Variants in CALN1 observed in about 807,000 individuals in gnomAD.
CALN1 encodes calcium-binding protein 8.
CALN1 carries 17 observed loss-of-function variants against 30.6 expected under a neutral mutation model. The ratio of observed to expected loss-of-function variants is 0.56; its 90% CI spans 0.38 to 0.83. The LOEUF is 0.83. Among genes scored for constraint, CALN1 ranks in the 40% least tolerant of loss-of-function variants. CALN1 has a pLI of 0.00. For missense variants in CALN1, 291 were observed against 354.9 expected, an observed-to-expected ratio of 0.82 and a Z score of 1.45; for synonymous variants, 156 against 131.4, an observed-to-expected ratio of 1.19 and a Z score of -1.28.
intron 5 of CALN1, among the ~76,000 whole-genome samples, chr7:71,992,114 T>C (rs1436016294): frequency 1.3e-5 from 2 of 152,274 alleles, no homozygotes; most frequent in East Asian, 3.9e-4. Flanking sequence ...ATCTTCATTA[T>C]AGATTAACTT....
chr7:72,294,063 A>G (rs2129555135), intron 2 of CALN1, among the ~76,000 whole-genome samples: 1 of 152,218 alleles, frequency 6.6e-6, no homozygotes. Context: ...ACACCACTGC[A>G]CTCCAGCCTG....
At chr7:72,336,535 C>T (rs374179791) in intron 2 of CALN1, among the ~76,000 whole-genome samples, 35 of 152,226 alleles carry the variant, frequency 2.3e-4, no homozygotes, top group Admixed American at 8.5e-4. Context: ...GCCCCAGTGT[C>T]GGAGCCAACA....
At chr7:72,050,111 G>A (rs1054523482) in intron 4 of CALN1, among the ~76,000 whole-genome samples, 4 of 152,082 alleles carry the variant, frequency 2.6e-5, no homozygotes, top group Admixed American at 6.5e-5. Flanking sequence ...GAGGCCCCTC[G>A]CCCGGCCGAA....
intron 3 of CALN1, among the ~76,000 whole-genome samples, chr7:72,190,241 G>A (rs73141567): frequency 0.18 from 27,905 of 152,148 alleles, 2,769 homozygotes; most frequent in East Asian, 0.28. Flanking sequence ...AGCTACTTAG[G>A]AGGCTGAGCC....
At chr7:72,200,343 A>T (rs963945294) in intron 3 of CALN1, among the ~76,000 whole-genome samples, 1 of 152,172 alleles carries the variant, frequency 6.6e-6, no homozygotes, top group Non-Finnish European at 1.5e-5. Flanking sequence ...CCTCTCTGTG[A>T]ACTAGAAATG....
chr7:71,935,011 GAAATT>G (rs1268426155), intron 5 of CALN1, among the ~76,000 whole-genome samples: 1 of 152,134 alleles, frequency 6.6e-6, no homozygotes, highest in Non-Finnish European at 1.5e-5. Context: ...ACAACACATG[GAAATT>G]ATGGGAGCTA....
chr7:72,115,458 T>C (rs1252212399), intron 3 of CALN1, among the ~76,000 whole-genome samples: 2 of 149,056 alleles, frequency 1.3e-5, no homozygotes, highest in Non-Finnish European at 3.0e-5. Flanking sequence ...AGTTCAGTAA[T>C]GATAAATACA....
In CALN1 at chr7:72,168,802, A is replaced by ATTT. The variant is rs1235129816; in HGVS notation, c.245-62509_245-62508insAAA. Among the ~76,000 whole-genome samples, 58 of 114,432 alleles carry ATTT rather than the reference A, an allele frequency of 5.1e-4. No individual in the cohort carries two copies. In the East Asian group the frequency reaches 7.1e-3, roughly 14 times the overall value. The allele number at this position is 114,432 out of a possible 152,430, so 75.1% of individuals were successfully genotyped here. A position where few individuals can be genotyped will look rare whatever the true frequency, so the allele number is the denominator to read the frequency against. On this transcript the variant is annotated intron_variant, in intron 3 of 6. Coordinates refer to ENST00000395275, the MANE Select transcript of CALN1 (RefSeq NM_031468.4). ...AGGATGCCTGCTTATTATTATTATT[A>ATTT]TTATTTTTTTTTTTTTTTTTGAGAT... is the stretch of plus-strand genomic sequence containing the variant.
intron 4 of CALN1, among the ~76,000 whole-genome samples, chr7:72,093,243 G>A (rs1805994990): frequency 6.6e-6 from 1 of 152,082 alleles, no homozygotes; most frequent in Non-Finnish European, 1.5e-5. Context: ...TCTAAGACAG[G>A]CATTCTCATA....
At chr7:72,404,243 C>G (rs1806546294) in intron 1 of CALN1, among the ~76,000 whole-genome samples, 2 of 152,216 alleles carry the variant, frequency 1.3e-5, no homozygotes, top group African/African-American at 4.8e-5. Flanking sequence ...CCATCCCCTC[C>G]TCCCAACATT....
intron 5 of CALN1, among the ~76,000 whole-genome samples, chr7:71,881,769 C>A (rs1017592549): frequency 6.6e-6 from 1 of 152,062 alleles, no homozygotes; most frequent in African/African-American, 2.4e-5. Flanking sequence ...CAAATTTATT[C>A]TTTTATAGCT....
rs554630326 is a variant in CALN1 at position 72,411,735 on chromosome 7, T to C, written c.-74+323A>G. ...AGACACAGCCAATCACCAAATATGGTACAACTCATTATCCTGAAAATTGAC... is the reference window on the plus strand; with the variant it reads ...AGACACAGCCAATCACCAAATATGGCACAACTCATTATCCTGAAAATTGAC... On this transcript the variant is annotated intron_variant, in intron 1 of 6. Transcript: ENST00000395275. Among the ~76,000 whole-genome samples, 122 of 152,326 alleles carry C rather than the reference T, an allele frequency of 8.0e-4. 1 individual carries two copies. The highest frequency in any genetic ancestry group is 2.8e-3 in the African/African-American group (116 of 41,578).
chr7:72,082,205 C>T (rs140894067), intron 4 of CALN1, among the ~76,000 whole-genome samples: 2,953 of 152,236 alleles, frequency 0.019, 95 homozygotes, highest in African/African-American at 0.067. Flanking sequence ...AGGCTTATCT[C>T]GAACTCCTGA....
intron 3 of CALN1, among the ~76,000 whole-genome samples, chr7:72,203,872 G>A (rs544180601): frequency 1.3e-5 from 2 of 151,646 alleles, no homozygotes; most frequent in African/African-American, 2.4e-5. Flanking sequence ...CAAAAGCCAG[G>A]GGGTAAAATA....
At chr7:72,087,435 G>C (rs1361202826) in intron 4 of CALN1, among the ~76,000 whole-genome samples, 1 of 152,160 alleles carries the variant, frequency 6.6e-6, no homozygotes, top group Non-Finnish European at 1.5e-5. Context: ...GGGAGGCTGA[G>C]GCAGCCACCA....
At chr7:72,299,316 A>G (rs907826868) in intron 2 of CALN1, among the ~76,000 whole-genome samples, 3 of 152,228 alleles carry the variant, frequency 2.0e-5, no homozygotes, top group Non-Finnish European at 2.9e-5. Context: ...CCACTATTAA[A>G]TAACACTATC....
At chr7:72,338,698 A>G (rs13307517) in intron 2 of CALN1, among the ~76,000 whole-genome samples, 57,325 of 151,782 alleles carry the variant, frequency 0.38, 11,624 homozygotes, top group Admixed American at 0.45. Context: ...GTAGGTGTAC[A>G]TATTTATGGG....
At chr7:72,396,258 G>GAAAGAAACAA (rs148921743) in intron 2 of CALN1, among the ~76,000 whole-genome samples, 2 of 109,702 alleles carry the variant, frequency 1.8e-5, no homozygotes, top group East Asian at 2.6e-4. Flanking sequence ...AAAAAAAAAA[G>GAAAGAAACAA]AAAGAAAAAG....
At chr7:71,907,701 T>A (rs914539334) in intron 5 of CALN1, among the ~76,000 whole-genome samples, 6 of 152,256 alleles carry the variant, frequency 3.9e-5, no homozygotes, top group African/African-American at 1.4e-4. Flanking sequence ...GCACTTATTA[T>A]GTTCCAGGAA....
Sources: allele counts gnomAD v4.1 joint callset (sites outside exome capture counted in the v4.1 genomes callset), GRCh38; gene constraint gnomAD v4.1.1; transcripts MANE v1.5; gene names NCBI Gene and HGNC (gene_info 2026-07-23, HGNC 2026-07-21).